The following CTNNA3 variants were observed in gnomAD, a reference collection of about 807,000 sequenced individuals.
The protein encoded by CTNNA3 is catenin alpha-3.
CTNNA3 carries 76 observed loss-of-function variants against 95.7 expected under a neutral mutation model. That is an observed-to-expected ratio of 0.79 (90% CI 0.66 to 0.96). The LOEUF is 0.96. CTNNA3 is among the 40% of genes least tolerant of loss of function. CTNNA3 has a pLI of 0.00. For synonymous variants in CTNNA3, 431 were observed against 374.4 expected, an observed-to-expected ratio of 1.15 and a Z score of -1.74; for missense variants, 1,191 against 1,089.8, an observed-to-expected ratio of 1.09 and a Z score of -1.31.
At chr10:66,511,618 A>C in intron 11 of CTNNA3, among the ~76,000 whole-genome samples, 1 of 150,922 alleles carries the variant, frequency 6.6e-6, no homozygotes, top group East Asian at 1.9e-4. Flanking sequence ...TTCTTCATTA[A>C]CTCATTTGTC....
intron 6 of CTNNA3, among the ~76,000 whole-genome samples, chr10:67,201,641 T>C (rs542937196): frequency 1.3e-5 from 2 of 152,304 alleles, no homozygotes; most frequent in South Asian, 4.1e-4. Context: ...ATAACTTGCA[T>C]TTAGTCCAAA....
At chr10:66,289,365 T>C (rs1265008854) in intron 12 of CTNNA3, among the ~76,000 whole-genome samples, 1 of 69,444 alleles carries the variant, frequency 1.4e-5, no homozygotes, top group Non-Finnish European at 3.0e-5. Context: ...ACAAGAAAGA[T>C]TTTTAAAGAA....
At chr10:66,041,293 C>T (rs1209294602) in intron 15 of CTNNA3, among the ~76,000 whole-genome samples, 1 of 151,992 alleles carries the variant, frequency 6.6e-6, no homozygotes, top group Non-Finnish European at 1.5e-5. Flanking sequence ...TTGGAGGAGC[C>T]AAAGGAGATA....
At chr10:65,968,900 C>T (rs1564547654) in intron 16 of CTNNA3, among the ~76,000 whole-genome samples, 1 of 152,190 alleles carries the variant, frequency 6.6e-6, no homozygotes, top group Non-Finnish European at 1.5e-5. Flanking sequence ...CATGCCTGCC[C>T]TTAGGGAATT....
intron 11 of CTNNA3, among the ~76,000 whole-genome samples, chr10:66,417,735 C>T (rs1327377940): frequency 6.6e-6 from 1 of 151,828 alleles, no homozygotes; most frequent in Non-Finnish European, 1.5e-5. Context: ...AACTTGGAAA[C>T]TATATAAATA....
chr10:67,554,972 T>C (rs888383988), intron 3 of CTNNA3, among the ~76,000 whole-genome samples: 7 of 152,232 alleles, frequency 4.6e-5, no homozygotes, highest in African/African-American at 1.2e-4. Context: ...TTTCTACATA[T>C]GGCTAGCCAG....
At chr10:67,724,832 C>G (rs1209954600) in intron 1 of CTNNA3, among the ~76,000 whole-genome samples, 1 of 152,086 alleles carries the variant, frequency 6.6e-6, no homozygotes, top group African/African-American at 2.4e-5. Flanking sequence ...AGTCCTTATC[C>G]AAGTGCAGGA....
chr10:66,876,339 G>A (rs1398221948), intron 7 of CTNNA3, among the ~76,000 whole-genome samples: 1 of 152,122 alleles, frequency 6.6e-6, no homozygotes, highest in Non-Finnish European at 1.5e-5. Flanking sequence ...GAAATTAAAT[G>A]AAATTGAGAT....
At chr10:66,739,005 G>T (rs1047482292) in intron 9 of CTNNA3, among the ~76,000 whole-genome samples, 1 of 152,158 alleles carries the variant, frequency 6.6e-6, no homozygotes, top group Non-Finnish European at 1.5e-5. Flanking sequence ...GTGTGAGGGG[G>T]ATGTGGAGGA....
chr10:66,663,831 A>G (rs1490317957), intron 9 of CTNNA3, among the ~76,000 whole-genome samples: 3 of 152,186 alleles, frequency 2.0e-5, no homozygotes, highest in African/African-American at 7.2e-5. Context: ...CTGCATACTT[A>G]TAAAATCTTA....
chr10:67,540,303 A>G (rs1840635940), intron 3 of CTNNA3, among the ~76,000 whole-genome samples: 1 of 151,952 alleles, frequency 6.6e-6, no homozygotes, highest in Non-Finnish European at 1.5e-5. Flanking sequence ...TAAAATGAAA[A>G]TATTTAATAA....
chr10:66,817,106 T>G (rs1842117381), intron 7 of CTNNA3, among the ~76,000 whole-genome samples: 1 of 151,988 alleles, frequency 6.6e-6, no homozygotes, highest in Non-Finnish European at 1.5e-5. Flanking sequence ...AGATTTTATC[T>G]TAGGGTACAG....
At chr10:67,544,876 C>A (rs1192312748) in intron 3 of CTNNA3, among the ~76,000 whole-genome samples, 4 of 152,140 alleles carry the variant, frequency 2.6e-5, no homozygotes, top group African/African-American at 9.7e-5. Context: ...AATTTCAAGA[C>A]CAGCAGCATT....
chr10:66,994,483 C>T (rs1040597959), intron 7 of CTNNA3, among the ~76,000 whole-genome samples: 2 of 152,156 alleles, frequency 1.3e-5, no homozygotes, highest in African/African-American at 4.8e-5. Context: ...TCTGCAATTC[C>T]TAGTTTTGCA....
intron 9 of CTNNA3, among the ~76,000 whole-genome samples, chr10:66,764,044 C>T (rs986133487): frequency 1.5e-4 from 23 of 152,106 alleles, no homozygotes; most frequent in African/African-American, 5.6e-4. Flanking sequence ...TTGTTATATA[C>T]TAAAAGCTCA....
intron 13 of CTNNA3, among the ~76,000 whole-genome samples, chr10:66,195,617 G>C (rs1350302371): frequency 6.6e-6 from 1 of 152,118 alleles, no homozygotes; most frequent in Non-Finnish European, 1.5e-5. Flanking sequence ...ACATGAGAGA[G>C]CAAACTTGGG....
At chr10:66,225,134 A>G (rs2089201786) in intron 13 of CTNNA3, among the ~76,000 whole-genome samples, 1 of 151,744 alleles carries the variant, frequency 6.6e-6, no homozygotes, top group Non-Finnish European at 1.5e-5. Context: ...CCTATAACCT[A>G]TTCCTCCTTT....
At position 67,542,171 on chromosome 10, in the gene CTNNA3, C is replaced by T. The variant is rs186581195; in HGVS notation, c.293-2502G>A. 5.8e-3 allele frequency among the ~76,000 whole-genome samples: 877 copies of T among 152,140 alleles called. 5 individuals are homozygous for T. Among genetic ancestry groups the T allele is most frequent in the Middle Eastern group, 0.01 (3 of 294 alleles). On this transcript the variant is annotated intron_variant, in intron 3 of 17. Transcript: ENST00000433211. ...CTTAAATTCTTATTGCTGGACTTAT[C>T]CCTAATTTCCCCAATATTCCTAACC...
intron 12 of CTNNA3, among the ~76,000 whole-genome samples, chr10:66,343,085 C>T (rs1028991270): frequency 4.0e-5 from 6 of 151,892 alleles, no homozygotes; most frequent in Non-Finnish European, 5.9e-5. Flanking sequence ...ATTGACAAGC[C>T]CTCTCAATGT....
Sources: allele counts gnomAD v4.1 joint callset (sites outside exome capture counted in the v4.1 genomes callset), GRCh38; gene constraint gnomAD v4.1.1; transcripts MANE v1.5; gene names NCBI Gene and HGNC (gene_info 2026-07-23, HGNC 2026-07-21).